The following ADAMTS9 variants were observed in gnomAD, a reference collection of about 807,000 sequenced individuals.
ADAMTS9 encodes the protein A disintegrin and metalloproteinase with thrombospondin motifs 9.
ADAMTS9 carries 107 observed loss-of-function variants against 257.1 expected under a neutral mutation model. That is an observed-to-expected ratio of 0.42 (90% CI 0.36 to 0.49). The LOEUF is 0.49. Ranked by LOEUF, ADAMTS9 falls within the 20% of genes least tolerant of loss-of-function variation. The pLI, the probability that ADAMTS9 is intolerant of heterozygous loss-of-function variation, is 0.03. For synonymous variants in ADAMTS9, 982 were observed against 880.9 expected (o/e 1.11, Z -2.03); for missense variants, 2,353 against 2,469.1 (o/e 0.95, Z 1.00).
At chr3:64,654,509 G>T (rs769902484) in intron 7 of ADAMTS9, 51 bp from the exon 8 acceptor site, 1 of 1,583,964 alleles carries the variant, frequency 6.3e-7, no homozygotes, top group South Asian at 1.1e-5. Flanking sequence ...AGCAACTGTG[G>T]CTTGAAATAC....
chr3:64,527,442 CAG>C (rs2082924454), intron 38 of ADAMTS9, among the ~76,000 whole-genome samples: 2 of 151,976 alleles, frequency 1.3e-5, no homozygotes, highest in Non-Finnish European at 2.9e-5. Context: ...TTAAAGTTGT[CAG>C]AGGATGCTGG....
At chr3:64,537,623 C>T (rs1045136255) in intron 37 of ADAMTS9, among the ~76,000 whole-genome samples, 3 of 152,174 alleles carry the variant, frequency 2.0e-5, no homozygotes, top group African/African-American at 4.8e-5. Context: ...TGTTTGTCTT[C>T]GGACGTTCTC....
chr3:64,584,277 A>G (rs556104547), intron 28 of ADAMTS9, among the ~76,000 whole-genome samples: 6 of 152,246 alleles, frequency 3.9e-5, no homozygotes, highest in African/African-American at 1.4e-4. Context: ...GAAGAGATGC[A>G]ATAAAAGTCT....
intron 28 of ADAMTS9, chr3:64,592,238 A>AAGCCTCTTT (rs939709811): frequency 1.3e-5 from 2 of 152,234 alleles, no homozygotes; most frequent in African/African-American, 4.8e-5. Context: ...CGCATATTTG[A>AAGCCTCTTT]ATAATGATCA....
intron 32 of ADAMTS9, among the ~76,000 whole-genome samples, chr3:64,546,203 T>C (rs530583729): frequency 7.9e-5 from 12 of 152,268 alleles, no homozygotes; most frequent in Middle Eastern, 3.4e-3. Context: ...GTATCCCTTA[T>C]TGGAAGTGCT....
intron 11 of ADAMTS9, among the ~76,000 whole-genome samples, chr3:64,644,854 G>A (rs939935433): frequency 2.0e-5 from 3 of 152,154 alleles, no homozygotes; most frequent in Non-Finnish European, 4.4e-5. Context: ...CAAAACAAGG[G>A]GGTAGGTTTA....
chr3:64,555,399 T>C (rs1042977020), intron 30 of ADAMTS9, among the ~76,000 whole-genome samples: 2 of 152,144 alleles, frequency 1.3e-5, no homozygotes, highest in African/African-American at 2.4e-5. Context: ...AATCAATCAG[T>C]ATTTTACAAT....
In ADAMTS9 at chr3:64,596,839, G is replaced by A. The variant is rs142931803; in HGVS notation, c.4170C>T (p.Asn1390=). 7 of 1,613,730 alleles carry A rather than the reference G, an allele frequency of 4.3e-6. No individual in the cohort carries two copies. The African/African-American group carries it at 8.0e-5, about 18-fold the overall frequency. The change falls in exon 27 of 40, where the codon AAC becomes AAT. Residue 1390 remains asparagine, a synonymous_variant. Transcript: ENST00000498707. The part of the protein sequence containing the change: ...SGPCPQWAYG[N]WGECTKLCGG... ...GATAGTTCACTCTCACCTCTCCCCA[G>A]TTGCCATAAGCCCACTGAGGACAAG...
chr3:64,681,097 C>T, intron 3 of ADAMTS9, 104 bp downstream of exon 3: 3 of 1,298,696 alleles, frequency 2.3e-6, no homozygotes, highest in Non-Finnish European at 3.2e-6. Context: ...AACAATAATG[C>T]ATATGGTTGC....
chr3:64,616,655 A>C (rs1246439192), intron 19 of ADAMTS9, among the ~76,000 whole-genome samples: 1 of 152,218 alleles, frequency 6.6e-6, no homozygotes, highest in Non-Finnish European at 1.5e-5. Context: ...GTAGGTATTC[A>C]GTGTGTGCTG....
intron 31 of ADAMTS9, among the ~76,000 whole-genome samples, chr3:64,547,358 AGC>A (rs2083214718): frequency 6.6e-6 from 1 of 152,102 alleles, no homozygotes; most frequent in Non-Finnish European, 1.5e-5. Flanking sequence ...AGGAGACAGC[AGC>A]AGCTGACCCG....
intron 14 of ADAMTS9, among the ~76,000 whole-genome samples, chr3:64,632,416 T>TC (rs1700388705): frequency 6.6e-6 from 1 of 152,222 alleles, no homozygotes; most frequent in Non-Finnish European, 1.5e-5. Context: ...TGACATTTTT[T>TC]CCCAATTTTC....
At position 64,686,516 on chromosome 3, in the gene ADAMTS9, A is replaced by G. The variant is rs1701911065; in HGVS notation, c.516+52T>C. 6.6e-7 allele frequency: 1 copy of G among 1,523,264 alleles called. No homozygotes were observed. The highest frequency in any genetic ancestry group is 1.4e-5 in the African/African-American group (1 of 72,872). The allele number at this position is 1,523,264 out of a possible 1,614,324, so 94.4% of individuals were successfully genotyped here. ...GGCTTAGAGGACAATTAAGTCTTCTAGAAGCGGGCGAGGAGGCGGAAGGGG... is the reference window on the plus strand; with the variant it reads ...GGCTTAGAGGACAATTAAGTCTTCTGGAAGCGGGCGAGGAGGCGGAAGGGG... On this transcript the variant is annotated intron_variant, in intron 2 of 39. Coordinates refer to ENST00000498707, the MANE Select transcript of ADAMTS9 (RefSeq NM_182920.2). This position sits in a 1 kb window ranked among gnomAD's most constrained non-coding sequence, Gnocchi z 4.6.
At chr3:64,542,783 G>A (rs892998851) in intron 32 of ADAMTS9, among the ~76,000 whole-genome samples, 3 of 152,180 alleles carry the variant, frequency 2.0e-5, no homozygotes, top group Non-Finnish European at 2.9e-5. Context: ...AACTGAAGGA[G>A]ATAGAGACAC....
chr3:64,643,445 A>ATTTTTTTTTTTTTTTTTTTTTTTTTT (rs57471985), intron 11 of ADAMTS9, among the ~76,000 whole-genome samples: 4 of 61,416 alleles, frequency 6.5e-5, no homozygotes, highest in Non-Finnish European at 8.6e-5. Context: ...TTACTCAATA[A>ATTTTTTTTTTTTTTTTTTTTTTTTTT]TTTTTTTTTT....
chr3:64,665,953 T>C (rs972749944), intron 3 of ADAMTS9, among the ~76,000 whole-genome samples: 2 of 152,182 alleles, frequency 1.3e-5, no homozygotes, highest in African/African-American at 4.8e-5. Context: ...TTTAAAAAAA[T>C]TCACTCGTGG....
At chr3:64,629,183 C>T (rs1700304203) in intron 16 of ADAMTS9, among the ~76,000 whole-genome samples, 1 of 152,158 alleles carries the variant, frequency 6.6e-6, no homozygotes, top group Non-Finnish European at 1.5e-5. Context: ...CATCTCCCTC[C>T]TGGATTACTG....
chr3:64,594,912 G>C (rs1034071205), intron 27 of ADAMTS9, among the ~76,000 whole-genome samples: 2 of 151,674 alleles, frequency 1.3e-5, no homozygotes, highest in South Asian at 2.1e-4. Flanking sequence ...TCAGCTTCCC[G>C]AGTAGCTGGG....
intron 2 of ADAMTS9, chr3:64,685,006 A>C (rs1233091498): frequency 6.6e-6 from 1 of 152,212 alleles, no homozygotes; most frequent in Non-Finnish European, 1.5e-5. Context: ...TTCAAGGACC[A>C]GAAGGATTCC....
Sources: gnomAD v4.1 joint callset for allele counts (sites outside exome capture counted in the v4.1 genomes callset) on GRCh38, gnomAD v4.1.1 for gene constraint, Gnocchi (gnomAD v3.1) non-coding constraint, MANE v1.5 for transcripts, NCBI Gene and HGNC (gene_info 2026-07-23, HGNC 2026-07-21) for gene names.